The following FMN2 variants were observed in gnomAD, a reference collection of about 807,000 sequenced individuals.
The protein encoded by FMN2 is formin-2.
FMN2 carries 51 observed loss-of-function variants against 142.3 expected under a neutral mutation model. The ratio of observed to expected loss-of-function variants is 0.36; its 90% CI spans 0.29 to 0.45. The LOEUF is 0.45. Ranked by LOEUF, FMN2 falls within the 20% of genes least tolerant of loss-of-function variation. The pLI is 1.00. For synonymous variants in FMN2, 882 were observed against 869.8 expected (o/e 1.01, Z -0.25); for missense variants, 1,936 against 2,122.8 (o/e 0.91, Z 1.73).
At chr1:240,428,597 ACACTC>A (rs1675037555) in intron 15 of FMN2, among the ~76,000 whole-genome samples, 1 of 152,088 alleles carries the variant, frequency 6.6e-6, no homozygotes, top group Non-Finnish European at 1.5e-5. Context: ...CTTGGATATG[ACACTC>A]CAGGTTCATT....
intron 4 of FMN2, among the ~76,000 whole-genome samples, chr1:240,205,535 C>G (rs1456334642): frequency 4.1e-5 from 6 of 145,440 alleles, no homozygotes; most frequent in Admixed American, 2.8e-4. Context: ...AATCTCAGCT[C>G]ACTGCAAGCT....
At chr1:240,316,278 C>T (rs1240741271) in intron 8 of FMN2, among the ~76,000 whole-genome samples, 1 of 152,110 alleles carries the variant, frequency 6.6e-6, no homozygotes, top group Non-Finnish European at 1.5e-5. Context: ...GAAGGATGTT[C>T]ATAGAGAGGC....
chr1:240,267,827 A>T (rs879049151), intron 7 of FMN2, among the ~76,000 whole-genome samples: 17 of 152,194 alleles, frequency 1.1e-4, no homozygotes, highest in African/African-American at 4.1e-4. Context: ...TTTAATAAAG[A>T]CTAATTTTTA....
At chr1:240,270,140 C>T (rs1268144003) in intron 7 of FMN2, among the ~76,000 whole-genome samples, 2 of 152,018 alleles carry the variant, frequency 1.3e-5, no homozygotes, top group African/African-American at 4.8e-5. Flanking sequence ...AACTTTTCAC[C>T]ATTGAGTATC....
At chr1:240,357,512 T>C (rs1487066640) in intron 14 of FMN2, among the ~76,000 whole-genome samples, 4 of 152,218 alleles carry the variant, frequency 2.6e-5, no homozygotes, top group African/African-American at 9.6e-5. Context: ...TAGAGGTGTT[T>C]AGGATTTGTC....
At position 240,177,637 on chromosome 1, in the gene FMN2, C is replaced by T. The variant is rs531306833; in HGVS notation, c.1783-284C>T. ...TCTGGACTATCTGATTTTATAATTC[C>T]CTGCAGGGCTACATAGCATCTCTCC... On this transcript the variant is annotated intron_variant, in intron 2 of 17. Transcript: ENST00000319653. 5.9e-5 allele frequency among the ~76,000 whole-genome samples: 9 copies of T among 152,102 alleles called. No individual in the cohort carries two copies. The South Asian group carries it at 6.2e-4, about 11-fold the overall frequency.
chr1:240,396,725 G>A (rs1173703353), intron 15 of FMN2, among the ~76,000 whole-genome samples: 2 of 152,114 alleles, frequency 1.3e-5, no homozygotes, highest in African/African-American at 2.4e-5. Flanking sequence ...CCGTTCTTGC[G>A]TTAATTCTCT....
chr1:240,473,681 C>G lies in FMN2; in HGVS notation c.5143-447C>G, dbSNP rs1171845204. Among the ~76,000 whole-genome samples the G allele has an allele frequency of 2.6e-5, 4 of 152,122 alleles. No individual in the cohort carries two copies. The highest frequency in any genetic ancestry group is 4.4e-5 in the Non-Finnish European group (3 of 68,030). On this transcript the variant is annotated intron_variant, in intron 17 of 17. Transcript: ENST00000319653. This position sits in a 1 kb window ranked among gnomAD's most constrained non-coding sequence, Gnocchi z 4.3. ...ACATGATAGTTCAGCTTATCTTCTGCTCCTGATGATTCAGTCTTATAACTG... is the reference window on the plus strand; with the variant it reads ...ACATGATAGTTCAGCTTATCTTCTGGTCCTGATGATTCAGTCTTATAACTG...
At chr1:240,255,771 A>T (rs1194867084) in intron 6 of FMN2, among the ~76,000 whole-genome samples, 2 of 152,116 alleles carry the variant, frequency 1.3e-5, no homozygotes, top group Admixed American at 1.3e-4. Flanking sequence ...AATGGAGATT[A>T]TGGGGACAAT....
chr1:240,355,970 A>AAAAAAAAAAAAAAAAC, intron 14 of FMN2, 62 bp downstream of exon 14: 1 of 457,572 alleles, frequency 2.2e-6, no homozygotes, highest in Non-Finnish European at 3.0e-6. Context: ...AAAAAAAAAA[A>AAAAAAAAAAAAAAAAC]AAAAAAAAAA....
chr1:240,408,723 A>G (rs942158059), intron 15 of FMN2, among the ~76,000 whole-genome samples: 4 of 152,282 alleles, frequency 2.6e-5, no homozygotes, highest in Middle Eastern at 6.8e-3. Context: ...CAATCTATGA[A>G]TCGAGGTGCT....
chr1:240,129,505 C>CTTTTT lies in FMN2; in HGVS notation c.1782+6175_1782+6179dup, dbSNP rs35446628. ...GCTGTATGTTAATGCCTGCTGATGC[C>CTTTTT]TTTTTTTTTTTTTTTTTTTGAGATG... On this transcript the variant is annotated intron_variant, in intron 2 of 17. Transcript: ENST00000319653. Among the ~76,000 whole-genome samples the CTTTTT allele has an allele frequency of 4.1e-5, 5 of 121,998 alleles. 1 individual carries two copies. The highest frequency in any genetic ancestry group is 6.8e-5 in the Non-Finnish European group (4 of 59,230). 80.0% of individuals were successfully genotyped at this position (121,998 alleles called of 152,430 possible). A position where few individuals can be genotyped will look rare whatever the true frequency, so the allele number is the denominator to read the frequency against.
intron 6 of FMN2, chr1:240,245,606 C>T (rs1347263493): frequency 2.1e-6 from 1 of 471,036 alleles, no homozygotes; most frequent in Admixed American, 2.3e-5. Context: ...TGCATTTACC[C>T]TACTGCCTAG....
intron 6 of FMN2, among the ~76,000 whole-genome samples, chr1:240,228,303 CAAAAAAAAAAAAAAAAAAAAAAAAAAAAA>C (rs1428532580): frequency 1.5e-4 from 7 of 47,726 alleles, no homozygotes; most frequent in South Asian, 1.1e-3. Flanking sequence ...AACTCTGTCT[CAAAAAAAAAAAAAAAAAAAAAAAAAAAAA>C]GAAAAAGAAA....
intron 14 of FMN2, among the ~76,000 whole-genome samples, chr1:240,363,584 T>C (rs192228532): frequency 4.0e-4 from 61 of 152,290 alleles, no homozygotes; most frequent in African/African-American, 1.2e-3. Context: ...TGCGTGCGTG[T>C]GCATGCATGT....
At position 240,207,606 on chromosome 1, in the gene FMN2, C is replaced by A; in HGVS notation, c.2794C>A (p.Leu932Ile). ...PPPPLPGAGI[L>I]PLPPLPGAGI... ...GCCGCCTCTACCCGGAGCAGGCATA[C>A]TCCCTCTGCCCCCTCTACCCGGAGC... Residue 932 changes from leucine (L) to isoleucine (I), a missense_variant, in exon 5 of 18, where the codon CTC (leucine) becomes ATC (isoleucine). Around this residue, in one of 8 missense-constraint regions of FMN2, gnomAD observed 478 missense variants for 462.8 expected, o/e 1.03. Coordinates refer to ENST00000319653, the MANE Select transcript of FMN2 (RefSeq NM_020066.5). 6.3e-7 allele frequency: 1 copy of A among 1,584,000 alleles called. No individual in the cohort carries two copies.
At chr1:240,143,084 A>G (rs886578961) in intron 2 of FMN2, 17 of 1,519,562 alleles carry the variant, frequency 1.1e-5, no homozygotes, top group East Asian at 2.3e-5. Context: ...CCTTCCCTAA[A>G]TGTGTCAGGC....
At chr1:240,472,943 C>CAA (rs372290294) in intron 17 of FMN2, among the ~76,000 whole-genome samples, 24,096 of 90,216 alleles carry the variant, frequency 0.27, 2,322 homozygotes, top group Middle Eastern at 0.34. Flanking sequence ...GACTTTGTCT[C>CAA]AAAAAAAAAA....
intron 6 of FMN2, among the ~76,000 whole-genome samples, chr1:240,253,937 T>C (rs896881639): frequency 2.0e-4 from 30 of 152,166 alleles, no homozygotes; most frequent in African/African-American, 7.2e-4. Context: ...AAAGTTTTGC[T>C]GGTGATGAGG....
Sources: gnomAD v4.1 joint callset for allele counts (sites outside exome capture counted in the v4.1 genomes callset) on GRCh38, gnomAD v4.1.1 for gene constraint, gnomAD v4.1.1 regional missense constraint, Gnocchi (gnomAD v3.1) non-coding constraint, MANE v1.5 for transcripts, NCBI Gene and HGNC (gene_info 2026-07-23, HGNC 2026-07-21) for gene names.